Variants in UTP25 observed in about 807,000 individuals in gnomAD.
UTP25 encodes UTP25 small subunit processome component, also known as U3 small nucleolar RNA-associated protein 25 homolog.
In UTP25, 50 loss-of-function variants were observed where a neutral mutation model predicts 78.9. The observed-to-expected ratio is 0.63, with a 90% CI of 0.50 to 0.80. The LOEUF is 0.80. UTP25 is among the 30% of genes least tolerant of loss of function. The pLI is 0.00. For synonymous variants in UTP25, 329 were observed against 336.5 expected, an observed-to-expected ratio of 0.98 and a Z score of 0.24; for missense variants, 846 against 911.3, an observed-to-expected ratio of 0.93 and a Z score of 0.92.
rs2078162895 is a variant in UTP25, at chr1:209,840,849, G to A, written c.1283-4G>A. Reference sequence around the variant, plus strand: ...ATTGGTGTGTACTTGGCTGTTTTGTGTAGGAGTGGCAATACTTCAGAGAAG... The same window carrying A: ...ATTGGTGTGTACTTGGCTGTTTTGTATAGGAGTGGCAATACTTCAGAGAAG... On this transcript the variant is annotated splice_region_variant and splice_polypyrimidine_tract_variant and intron_variant, in intron 7 of 11. Transcript: ENST00000491415. 4 of 1,612,018 alleles carry A rather than the reference G, an allele frequency of 2.5e-6. No homozygotes were observed. Among genetic ancestry groups the A allele is most frequent in the Non-Finnish European group, 3.4e-6 (4 of 1,179,736 alleles).
rs2078177938 is a variant in UTP25 at position 209,843,349 on chromosome 1, A to G, written c.1782-102A>G. 2.8e-6 allele frequency: 4 copies of G among 1,421,290 alleles called. No homozygotes were observed. In the East Asian group the frequency reaches 9.5e-5, roughly 34 times the overall value. The allele number at this position is 1,421,290 out of a possible 1,614,324, so 88.0% of individuals were successfully genotyped here. ...AATCATATTGGCCTCTGGGGAGGTAATCTTTTAACACGAGATTGTAATTTG... is the reference window on the plus strand; with the variant it reads ...AATCATATTGGCCTCTGGGGAGGTAGTCTTTTAACACGAGATTGTAATTTG... On this transcript the variant is annotated intron_variant, in intron 10 of 11. Coordinates refer to ENST00000491415, the MANE Select transcript of UTP25 (RefSeq NM_014388.7).
In UTP25 at chr1:209,828,103, A is replaced by C. The variant is rs770017772; in HGVS notation, c.40A>C (p.Asn14His). 1.2e-6 allele frequency: 2 copies of C among 1,614,026 alleles called. No individual in the cohort carries two copies. Among genetic ancestry groups the C allele is most frequent in the East Asian group, 4.5e-5 (2 of 44,880 alleles). The change falls in exon 1 of 12, where the codon AAC (asparagine) becomes CAC (histidine). Residue 14 changes from asparagine to histidine, a missense_variant. Coordinates refer to ENST00000491415, the MANE Select transcript of UTP25 (RefSeq NM_014388.7). Reference protein sequence around the residue: ...RGSRSQSQLLNTLTKKQKKHL... With the variant: ...RGSRSQSQLLHTLTKKQKKHL... Reference sequence around the variant, plus strand: ...GAGCCGGAGCCAGAGCCAGCTACTCAACACCCTAACTAAAAAGCAGAAGAA... The same window carrying C: ...GAGCCGGAGCCAGAGCCAGCTACTCCACACCCTAACTAAAAAGCAGAAGAA...
intron 11 of UTP25, among the ~76,000 whole-genome samples, chr1:209,850,325 TCA>T (rs1215385980): frequency 6.6e-6 from 1 of 152,180 alleles, no homozygotes; most frequent in East Asian, 1.9e-4. Flanking sequence ...ACATAATAGA[TCA>T]CAGTCATGGT....
intron 1 of UTP25, 102 bp from the exon 2 acceptor site, chr1:209,830,006 T>C: frequency 9.9e-7 from 1 of 1,013,102 alleles, no homozygotes; most frequent in Non-Finnish European, 1.5e-6. Flanking sequence ...AAAATGTATT[T>C]ATAATGTTAT....
In UTP25 at chr1:209,830,972, A is replaced by C. The variant is rs1337539665; in HGVS notation, c.317A>C (p.Asn106Thr). ...EDSIVDDAEM[N>T]DEDGGSDVSV... ...AGTATTGTAGATGATGCAGAAATGAACGATGAAGATGGTGGTAGCGATGTC... is the reference window on the plus strand; with the variant it reads ...AGTATTGTAGATGATGCAGAAATGACCGATGAAGATGGTGGTAGCGATGTC... The change falls in exon 3 of 12, where the codon AAC becomes ACC. Residue 106 changes from asparagine to threonine, a missense_variant. Physicochemically the swap from Asn to Thr is moderately conservative, Grantham distance 65. Transcript: ENST00000491415. 1.2e-6 allele frequency: 2 copies of C among 1,613,982 alleles called. No homozygotes were observed. The highest frequency in any genetic ancestry group is 2.7e-5 in the African/African-American group (2 of 74,926).
Position 209,842,646 on chromosome 1 carries a change from G to A in UTP25, c.1732G>A (p.Val578Ile). Residue 578 changes from valine to isoleucine, a missense_variant, in exon 10 of 12, where the codon GTC (valine) becomes ATC (isoleucine). By Grantham distance (29) the Val-to-Ile change is conservative. Transcript: ENST00000491415. Reference protein sequence around the residue: ...ISHVLVQLPHVFQRMEAENLA... With the variant: ...ISHVLVQLPHIFQRMEAENLA... ...TCATGTCCTGGTGCAGCTCCCACAT[G>A]TCTTCCAGAGGATGGAAGCTGAAAA... 1.9e-6 allele frequency: 3 copies of A among 1,613,788 alleles called. No individual in the cohort carries two copies. Among genetic ancestry groups the A allele is most frequent in the Non-Finnish European group, 2.5e-6 (3 of 1,179,926 alleles).
chr1:209,830,513 A>AG (rs2078097304), intron 2 of UTP25, among the ~76,000 whole-genome samples: 1 of 151,744 alleles, frequency 6.6e-6, no homozygotes, highest in African/African-American at 2.4e-5. Context: ...AAAAAAAAAA[A>AG]AAGAAACCTG....
rs775041138 is a variant in UTP25, at chr1:209,842,675, A to G, written c.1761A>G (p.Leu587=). The G allele has an allele frequency of 3.1e-6, 5 of 1,612,234 alleles. No individual in the cohort carries two copies. Among genetic ancestry groups the G allele is most frequent in the African/African-American group, 1.3e-5 (1 of 74,912 alleles). ...HVFQRMEAEN[L]ASVIDARFNF... is the part of the protein sequence containing the mutation. ...TCCAGAGGATGGAAGCTGAAAACCT[A>G]GCTTCAGTGATTGATGCCAGGTAAC... Residue 587 remains leucine (L), a synonymous_variant, in exon 10 of 12, where the codon CTA becomes CTG. Coordinates refer to ENST00000491415, the MANE Select transcript of UTP25 (RefSeq NM_014388.7).
chr1:209,837,248 G>A (rs1327831941), intron 6 of UTP25, 37 bp downstream of exon 6: 1 of 1,591,826 alleles, frequency 6.3e-7, no homozygotes, highest in Admixed American at 1.7e-5. Flanking sequence ...TCGAGGAGGT[G>A]GCTGCAAGGC....
chr1:209,855,022 A>G lies in UTP25; in HGVS notation c.*3575A>G, dbSNP rs2078265276. The stretch of plus-strand genomic sequence containing the variant: ...TGAAAGCCTGGCTACATAGAATTCT[A>G]AACAGATTTCAGTCAACTTTTAATT... On this transcript the variant is annotated 3_prime_UTR_variant, in exon 12 of 12. Coordinates refer to ENST00000491415, the MANE Select transcript of UTP25 (RefSeq NM_014388.7). 1 of 152,230 alleles carries G rather than the reference A, an allele frequency of 6.6e-6. No homozygotes were observed. The highest frequency in any genetic ancestry group is 1.5e-5 in the Non-Finnish European group (1 of 68,048). The allele number at this position is 152,230 out of a possible 1,614,324, so 9.4% of individuals were successfully genotyped here.
chr1:209,839,268 G>A, intron 7 of UTP25, 140 bp downstream of exon 7: 1 of 833,906 alleles, frequency 1.2e-6, no homozygotes, highest in Non-Finnish European at 1.9e-6. Flanking sequence ...GAGACATGTT[G>A]TTTGCCATGG....
chr1:209,842,549 C>T (rs1241868347), intron 9 of UTP25, 34 bp from the exon 10 acceptor site: 1 of 1,610,472 alleles, frequency 6.2e-7, no homozygotes. Flanking sequence ...AAGGGGATGG[C>T]TGTCCACCTA....
Position 209,833,225 on chromosome 1 carries a change from G to T in UTP25, c.429G>T (p.Gly143=). ...CTGACCCTGAGGGAAAAGAAGATGG[G>T]GAAGAGCCACCGGGCACATCACAAA... The part of the protein sequence containing the change: ...LSADPEGKED[G]EEPPGTSQTS... The change falls in exon 4 of 12, where the codon GGG becomes GGT. Residue 143 remains glycine (G), a synonymous_variant. Coordinates refer to ENST00000491415, the MANE Select transcript of UTP25 (RefSeq NM_014388.7). 6.2e-7 allele frequency: 1 copy of T among 1,613,954 alleles called. No homozygotes were observed. Among genetic ancestry groups the T allele is most frequent in the South Asian group, 1.1e-5 (1 of 91,074 alleles).
At position 209,851,285 on chromosome 1, in the gene UTP25, G is replaced by C; in HGVS notation, c.2109G>C (p.Met703Ile). The change falls in exon 12 of 12, where the codon ATG (methionine) becomes ATC (isoleucine). Residue 703 changes from methionine (M) to isoleucine (I), a missense_variant. By Grantham distance (10) the Met-to-Ile change is conservative (BLOSUM62 1). Transcript: ENST00000491415. ...YPHFYSEICN[M>I]LRATNRGEEA... ...ACTTTTACAGTGAAATCTGTAATAT[G>C]CTGAGAGCCACCAACAGAGGAGAAG... The C allele has an allele frequency of 6.2e-7, 1 of 1,614,176 alleles. No individual in the cohort carries two copies. Among genetic ancestry groups the C allele is most frequent in the Non-Finnish European group, 8.5e-7 (1 of 1,180,028 alleles).
At chr1:209,832,871 C>G (rs2078110967) in intron 3 of UTP25, among the ~76,000 whole-genome samples, 1 of 152,078 alleles carries the variant, frequency 6.6e-6, no homozygotes, top group South Asian at 2.1e-4. Flanking sequence ...GTGACAGAGC[C>G]AGACCCTGTC....
At chr1:209,828,975 T>G (rs2078087420) in intron 1 of UTP25, among the ~76,000 whole-genome samples, 1 of 151,658 alleles carries the variant, frequency 6.6e-6, no homozygotes, top group Non-Finnish European at 1.5e-5. Context: ...GGTTTCACCA[T>G]GTTAGCTAGG....
chr1:209,829,407 A>C (rs2078090077), intron 1 of UTP25, among the ~76,000 whole-genome samples: 1 of 152,150 alleles, frequency 6.6e-6, no homozygotes, highest in South Asian at 2.1e-4. Flanking sequence ...GTCTAGGTGC[A>C]GTTATGATCT....
At chr1:209,829,743 C>T (rs982059755) in intron 1 of UTP25, among the ~76,000 whole-genome samples, 4 of 152,242 alleles carry the variant, frequency 2.6e-5, no homozygotes, top group African/African-American at 7.2e-5. Context: ...ACCTTGGCCT[C>T]CTAAAGTGCT....
chr1:209,828,785 T>C (rs2078085976), intron 1 of UTP25, among the ~76,000 whole-genome samples: 1 of 150,106 alleles, frequency 6.7e-6, no homozygotes, highest in Non-Finnish European at 1.5e-5. Flanking sequence ...ATAATTTTTT[T>C]TTTTTAAGAC....
Sources: gnomAD v4.1 joint callset for allele counts (sites outside exome capture counted in the v4.1 genomes callset) on GRCh38, gnomAD v4.1.1 for gene constraint, MANE v1.5 for transcripts, NCBI Gene and HGNC (gene_info 2026-07-23, HGNC 2026-07-21) for gene names.